COTL1: variants seen among roughly 807,000 people sequenced by gnomAD.
COTL1 encodes coactosin-like protein.
COTL1 carries 15 observed loss-of-function variants against 16.5 expected under a neutral mutation model. That is an observed-to-expected ratio of 0.91 (90% CI 0.61 to 1.40). COTL1 has a LOEUF of 1.40. COTL1 is among the 40% of genes most tolerant of loss of function. The probability of loss-of-function intolerance (pLI) is 0.00; values close to 1 mark genes in which losing one functional copy is unlikely to be tolerated. For missense variants in COTL1, 220 were observed against 201.5 expected (o/e 1.09, Z -0.56); for synonymous variants, 112 against 85.3 (o/e 1.31, Z -1.73).
chr16:84,598,981 T>C (rs181385720), intron 2 of COTL1, among the ~76,000 whole-genome samples: 2 of 151,736 alleles, frequency 1.3e-5, no homozygotes, highest in Admixed American at 6.6e-5. Flanking sequence ...AGGCAAGAAT[T>C]ACCTGTAATC....
intron 3 of COTL1, among the ~76,000 whole-genome samples, chr16:84,572,824 C>T (rs544193934): frequency 6.6e-6 from 1 of 152,308 alleles, no homozygotes; most frequent in East Asian, 1.9e-4. Context: ...GCAATCTCAG[C>T]TCACTGCAAC....
intron 2 of COTL1, among the ~76,000 whole-genome samples, chr16:84,608,955 A>T (rs1046895470): frequency 3.3e-5 from 5 of 152,186 alleles, no homozygotes; most frequent in Non-Finnish European, 5.9e-5. Flanking sequence ...GCAAAGTAGG[A>T]ACCCAATAAA....
chr16:84,600,577 A>C (rs1905087939), intron 2 of COTL1, among the ~76,000 whole-genome samples: 3 of 152,138 alleles, frequency 2.0e-5, no homozygotes, highest in African/African-American at 7.2e-5. Context: ...TCTCCCAAAG[A>C]GCCAGGATTA....
chr16:84,581,941 A>G (rs1421182582), intron 3 of COTL1, among the ~76,000 whole-genome samples: 1 of 151,618 alleles, frequency 6.6e-6, no homozygotes, highest in Non-Finnish European at 1.5e-5. Context: ...CTGTCCTGGT[A>G]ATACACAAAG....
chr16:84,585,136 G>A (rs1904686965), intron 3 of COTL1, among the ~76,000 whole-genome samples: 2 of 152,152 alleles, frequency 1.3e-5, no homozygotes, highest in Admixed American at 1.3e-4. Flanking sequence ...GGACACTGAG[G>A]CCCAGGGAGG....
intron 3 of COTL1, among the ~76,000 whole-genome samples, chr16:84,581,403 T>G (rs1224455054): frequency 6.6e-6 from 1 of 152,220 alleles, no homozygotes; most frequent in East Asian, 1.9e-4. Flanking sequence ...TGGTAACTCA[T>G]GCTTTGCAAG....
chr16:84,566,999 G>C, intron 3 of COTL1, 44 bp from the exon 4 acceptor site: 1 of 1,398,696 alleles, frequency 7.1e-7, no homozygotes, highest in Non-Finnish European at 1.0e-6. Flanking sequence ...TAAGAAGGAA[G>C]GCACAGGATG....
intron 3 of COTL1, among the ~76,000 whole-genome samples, chr16:84,585,562 G>T (rs750386340): frequency 1.3e-5 from 2 of 152,156 alleles, no homozygotes; most frequent in Admixed American, 6.5e-5. Flanking sequence ...ATGGCAAAAA[G>T]TGCAGCTGGG....
intron 3 of COTL1, chr16:84,576,072 G>A (rs1040412034): frequency 1.3e-4 from 20 of 152,254 alleles, no homozygotes; most frequent in East Asian, 3.9e-4. Flanking sequence ...CATTCCTAAC[G>A]TTTATTTTTT....
chr16:84,608,012 G>A (rs906542599), intron 2 of COTL1, among the ~76,000 whole-genome samples: 3 of 152,176 alleles, frequency 2.0e-5, no homozygotes, highest in African/African-American at 2.4e-5. Flanking sequence ...AAGCACAAGC[G>A]AGGGGGACTA....
At chr16:84,616,481 C>T (rs1473079307) in intron 2 of COTL1, 1 of 147,192 alleles carries the variant, frequency 6.8e-6, no homozygotes, top group Non-Finnish European at 1.5e-5. Context: ...CCAGCCTGGG[C>T]AAAAGAGGAA....
intron 3 of COTL1, among the ~76,000 whole-genome samples, chr16:84,585,471 A>G (rs1904698264): frequency 1.3e-5 from 2 of 152,122 alleles, no homozygotes; most frequent in Non-Finnish European, 2.9e-5. Flanking sequence ...GCATTACTTT[A>G]TTACTGTCAA....
chr16:84,613,288 C>A (rs114847663), intron 2 of COTL1, among the ~76,000 whole-genome samples: 1 of 152,100 alleles, frequency 6.6e-6, no homozygotes, highest in Non-Finnish European at 1.5e-5. Flanking sequence ...GCATGAGCCA[C>A]GGCGCCCGGA....
chr16:84,590,554 G>C lies in COTL1; in HGVS notation c.161-292C>G. On this transcript the variant is annotated intron_variant, in intron 2 of 3. Transcript: ENST00000262428. This position sits in a 1 kb window ranked among gnomAD's most constrained non-coding sequence, Gnocchi z 5.5. ...CTTTCAAGGTTGTGAGGGAATTCAAGGTCATGCTGGGATTTAAACCCAGGC... is the reference window on the plus strand; with the variant it reads ...CTTTCAAGGTTGTGAGGGAATTCAACGTCATGCTGGGATTTAAACCCAGGC... 1 of 260,234 alleles carries C rather than the reference G, an allele frequency of 3.8e-6. No individual in the cohort carries two copies. Among genetic ancestry groups the C allele is most frequent in the Non-Finnish European group, 7.3e-6 (1 of 137,300 alleles). The allele number at this position is 260,234 out of a possible 1,614,324, so 16.1% of individuals were successfully genotyped here.
intron 2 of COTL1, among the ~76,000 whole-genome samples, chr16:84,612,363 A>C (rs1164650587): frequency 6.6e-6 from 1 of 152,192 alleles, no homozygotes; most frequent in African/African-American, 2.4e-5. Context: ...ATGCGTGTCC[A>C]CATGGGGCCA....
At chr16:84,583,782 C>T (rs1269003664) in intron 3 of COTL1, among the ~76,000 whole-genome samples, 1 of 152,118 alleles carries the variant, frequency 6.6e-6, no homozygotes, top group East Asian at 1.9e-4. Context: ...CAGAAGCTAT[C>T]AGAATAGACT....
chr16:84,614,981 T>C (rs1905434193), intron 2 of COTL1, among the ~76,000 whole-genome samples: 1 of 152,152 alleles, frequency 6.6e-6, no homozygotes, highest in Non-Finnish European at 1.5e-5. Flanking sequence ...CGTTTCCTCA[T>C]CTGTAGAATA....
At position 84,582,213 on chromosome 16, in the gene COTL1, G is replaced by A. The variant is rs144989008; in HGVS notation, c.318+7892C>T. On this transcript the variant is annotated intron_variant, in intron 3 of 3. Coordinates refer to ENST00000262428, the MANE Select transcript of COTL1 (RefSeq NM_021149.5). ...TTTTACTATGTTGGCCAGGTTGGTCGCGAACTCCTGACCTCAAGTGATCCA... is the reference window on the plus strand; with the variant it reads ...TTTTACTATGTTGGCCAGGTTGGTCACGAACTCCTGACCTCAAGTGATCCA... 8.5e-3 allele frequency among the ~76,000 whole-genome samples: 1,276 copies of A among 150,508 alleles called. 18 individuals carry two copies. The highest frequency in any genetic ancestry group is 0.029 in the African/African-American group (1,205 of 41,014).
chr16:84,593,868 ACTAT>A (rs1225998301), intron 2 of COTL1, among the ~76,000 whole-genome samples: 9 of 152,302 alleles, frequency 5.9e-5, no homozygotes, highest in African/African-American at 2.2e-4. Flanking sequence ...CATCATCGCT[ACTAT>A]CTAATTTCAC....
Sources: gnomAD v4.1 joint callset for allele counts (sites outside exome capture counted in the v4.1 genomes callset) on GRCh38, gnomAD v4.1.1 for gene constraint, Gnocchi (gnomAD v3.1) non-coding constraint, MANE v1.5 for transcripts, NCBI Gene and HGNC (gene_info 2026-07-23, HGNC 2026-07-21) for gene names.